The following DOCK2 variants were observed in gnomAD, a reference collection of about 807,000 sequenced individuals.
DOCK2 encodes the protein dedicator of cytokinesis protein 2.
In DOCK2, 87 loss-of-function variants were observed where a neutral mutation model predicts 248.9. That is an observed-to-expected ratio of 0.35 (90% confidence interval 0.29 to 0.42). The LOEUF is 0.42. DOCK2 is among the 10% of genes least tolerant of loss of function. DOCK2 has a pLI of 1.00. For missense variants in DOCK2, 1,747 were observed against 2,300.2 expected, an observed-to-expected ratio of 0.76 and a Z score of 4.92; for synonymous variants, 805 against 821.6, an observed-to-expected ratio of 0.98 and a Z score of 0.35.
chr5:169,859,305 C>T (rs1007451651), intron 27 of DOCK2, among the ~76,000 whole-genome samples: 24 of 151,988 alleles, frequency 1.6e-4, no homozygotes, highest in Non-Finnish European at 1.3e-4. Context: ...TATGGTCCAT[C>T]GAAATTTAGG....
chr5:169,959,163 G>T (rs987355522), intron 27 of DOCK2, among the ~76,000 whole-genome samples: 6 of 151,970 alleles, frequency 3.9e-5, no homozygotes, highest in Non-Finnish European at 8.8e-5. Flanking sequence ...GAGGCCGAGG[G>T]GGGCGGATCA....
At chr5:169,952,573 A>G (rs1262454131) in intron 27 of DOCK2, among the ~76,000 whole-genome samples, 1 of 152,174 alleles carries the variant, frequency 6.6e-6, no homozygotes, top group Non-Finnish European at 1.5e-5. Context: ...GCACTTCAGC[A>G]CATGAGACTG....
At chr5:169,689,111 A>G in intron 8 of DOCK2, 141 bp from the exon 9 acceptor site, 1 of 674,252 alleles carries the variant, frequency 1.5e-6, no homozygotes, top group Non-Finnish European at 2.6e-6. Context: ...CTCGGAGGGA[A>G]GGACCATGTC....
chr5:170,062,301 C>T (rs913634986), intron 44 of DOCK2, among the ~76,000 whole-genome samples: 13 of 152,190 alleles, frequency 8.5e-5, no homozygotes, highest in African/African-American at 3.1e-4. Flanking sequence ...AGCAACATAG[C>T]AGACTAGGAA....
At chr5:169,829,410 A>T (rs777277416) in intron 26 of DOCK2, among the ~76,000 whole-genome samples, 16 of 152,224 alleles carry the variant, frequency 1.1e-4, no homozygotes, top group Non-Finnish European at 2.1e-4. Context: ...TAGCCCATGC[A>T]GTAATACTGA....
intron 8 of DOCK2, among the ~76,000 whole-genome samples, chr5:169,688,206 A>G (rs571668809): frequency 1.3e-5 from 2 of 152,344 alleles, no homozygotes; most frequent in East Asian, 3.9e-4. Flanking sequence ...GATTACAGGC[A>G]TGAGCCACTG....
rs150071550 is a variant in DOCK2, at chr5:169,996,149, G to C, written c.3057G>C (p.Thr1019=). The change falls in exon 30 of 52, where the codon ACG becomes ACC. Residue 1019 remains threonine (T), a synonymous_variant. Transcript: ENST00000520908. ...TGAACCAGAAGTTCCTAGAACACAC[G>C]AACTTTGAGTTCCAGGTGAGTATAA... ...ETMNQKFLEH[T]NFEFQLWNNY... is the part of the protein sequence containing the mutation. The C allele has an allele frequency of 6.2e-6, 10 of 1,613,754 alleles. No homozygotes were observed. The Admixed American group carries it at 1.2e-4, about 19-fold the overall frequency.
chr5:169,975,355 A>T (rs73327852), intron 27 of DOCK2, among the ~76,000 whole-genome samples: 1,889 of 152,308 alleles, frequency 0.012, 41 homozygotes, highest in African/African-American at 0.043. Context: ...CATGTTTCTC[A>T]AAGTCCAAAT....
At chr5:169,949,094 A>C (rs899225165) in intron 27 of DOCK2, among the ~76,000 whole-genome samples, 5 of 152,190 alleles carry the variant, frequency 3.3e-5, no homozygotes, top group Non-Finnish European at 5.9e-5. Flanking sequence ...ATGTGGATAA[A>C]AGTGTATAGC....
intron 26 of DOCK2, among the ~76,000 whole-genome samples, chr5:169,840,066 G>GA (rs1769847879): frequency 6.6e-6 from 1 of 152,118 alleles, no homozygotes; most frequent in Non-Finnish European, 1.5e-5. Context: ...AATTTTTAAA[G>GA]AAAAAAGGTT....
In DOCK2 at chr5:169,696,021, A is replaced by G. The variant is rs1051479543; in HGVS notation, c.979+83A>G. On this transcript the variant is annotated intron_variant, in intron 10 of 51. Coordinates refer to ENST00000520908, the MANE Select transcript of DOCK2 (RefSeq NM_004946.3). ...AATTGTAATGATGATTTGTTTCCCAACCGCCTCCTGCTGCCCCCACCCCTG... is the reference window on the plus strand; with the variant it reads ...AATTGTAATGATGATTTGTTTCCCAGCCGCCTCCTGCTGCCCCCACCCCTG... 4 of 1,475,512 alleles carry G rather than the reference A, an allele frequency of 2.7e-6. No homozygotes were observed. In the African/African-American group the frequency reaches 5.7e-5, roughly 21 times the overall value. 91.4% of individuals were successfully genotyped at this position (1,475,512 alleles called of 1,614,324 possible).
At chr5:169,883,573 A>T (rs1340791753) in intron 27 of DOCK2, 2 of 1,551,548 alleles carry the variant, frequency 1.3e-6, no homozygotes, top group East Asian at 2.4e-5. Flanking sequence ...CCTTTTGAAA[A>T]CTGGGAAATG....
intron 25 of DOCK2, 139 bp downstream of exon 25, chr5:169,761,764 A>C: frequency 1.7e-6 from 1 of 578,164 alleles, no homozygotes; most frequent in South Asian, 3.0e-5. Flanking sequence ...GTCTGCATAA[A>C]TGCAAAAAGT....
At position 169,684,290 on chromosome 5, in the gene DOCK2, T is replaced by A; in HGVS notation, c.701T>A (p.Ile234Asn). Reference protein sequence around the residue: ...YVFVRNFVCRIGEDAELFMSL... With the variant: ...YVFVRNFVCRNGEDAELFMSL... ...TTTGTGAGAAACTTTGTGTGCAGAA[T>A]TGGGGAAGATGCTGAGCTCTTCATG... The change falls in exon 8 of 52, where the codon ATT (isoleucine) becomes AAT (asparagine). Residue 234 changes from isoleucine (I) to asparagine (N), a missense_variant. Physicochemically the swap from Ile to Asn is moderately radical, Grantham distance 149 (BLOSUM62 -3). This residue lies in a region of DOCK2 where 375 missense variants were observed against 510.9 expected (regional missense o/e 0.73). Transcript: ENST00000520908. 1 of 1,614,174 alleles carries A rather than the reference T, an allele frequency of 6.2e-7. No individual in the cohort carries two copies. The highest frequency in any genetic ancestry group is 8.5e-7 in the Non-Finnish European group (1 of 1,180,012).
chr5:170,044,829 C>G (rs1477325862), intron 38 of DOCK2, among the ~76,000 whole-genome samples: 1 of 152,172 alleles, frequency 6.6e-6, no homozygotes, highest in Non-Finnish European at 1.5e-5. Context: ...CTCCTACCTC[C>G]CCCAGCTTCT....
intron 30 of DOCK2, among the ~76,000 whole-genome samples, chr5:170,007,522 G>A (rs1755082053): frequency 6.6e-6 from 1 of 152,226 alleles, no homozygotes; most frequent in African/African-American, 2.4e-5. Flanking sequence ...GCTTTCTGCA[G>A]TGGGTACCAG....
At position 169,654,426 on chromosome 5, in the gene DOCK2, G is replaced by C; in HGVS notation, c.67G>C (p.Gly23Arg). The part of the protein sequence containing the change: ...GVAIYNFQGS[G>R]APQLSLQIGD... Reference sequence around the variant, plus strand: ...AGCCATATACAACTTCCAAGGCAGCGGAGCCCCCCAGCTCTCCCTGCAGAT... The same window carrying C: ...AGCCATATACAACTTCCAAGGCAGCCGAGCCCCCCAGCTCTCCCTGCAGAT... Residue 23 changes from glycine to arginine, a missense_variant, in exon 2 of 52, where the codon GGA becomes CGA. This residue lies in a region of DOCK2 where 375 missense variants were observed against 510.9 expected (regional missense o/e 0.73). Transcript: ENST00000520908. 1 of 1,614,130 alleles carries C rather than the reference G, an allele frequency of 6.2e-7. No homozygotes were observed. Among genetic ancestry groups the C allele is most frequent in the East Asian group, 2.2e-5 (1 of 44,874 alleles).
chr5:169,793,259 C>G (rs1026200329), intron 25 of DOCK2, among the ~76,000 whole-genome samples: 1 of 152,194 alleles, frequency 6.6e-6, no homozygotes, highest in Non-Finnish European at 1.5e-5. Context: ...CATGTCGACT[C>G]TGCCTTCAAA....
chr5:169,918,053 A>G (rs766995135), intron 27 of DOCK2, among the ~76,000 whole-genome samples: 2 of 152,200 alleles, frequency 1.3e-5, no homozygotes, highest in African/African-American at 4.8e-5. Context: ...ATTAGCATAA[A>G]CTTCTGATAT....
Sources: allele counts gnomAD v4.1 joint callset (sites outside exome capture counted in the v4.1 genomes callset), GRCh38; gene constraint gnomAD v4.1.1; regional missense constraint gnomAD v4.1.1; transcripts MANE v1.5; gene names NCBI Gene and HGNC (gene_info 2026-07-23, HGNC 2026-07-21).